Variants in TRAPPC9 observed in about 807,000 individuals in gnomAD.
The protein encoded by TRAPPC9 is trafficking protein particle complex subunit 9, also known as IKK2 binding protein.
In TRAPPC9, 83 loss-of-function variants were observed where a neutral mutation model predicts 124.0. The ratio of observed to expected loss-of-function variants is 0.67; its 90% confidence interval spans 0.56 to 0.80. The LOEUF (loss-of-function observed/expected upper bound fraction) is 0.80. TRAPPC9 is among the 30% of genes least tolerant of loss of function. The probability of loss-of-function intolerance (pLI) is 0.00; values close to 1 mark genes in which losing one functional copy is unlikely to be tolerated. For missense variants in TRAPPC9, 1,302 were observed against 1,508.3 expected, an observed-to-expected ratio of 0.86 and a Z score of 2.27; for synonymous variants, 638 against 617.5, an observed-to-expected ratio of 1.03 and a Z score of -0.49.
chr8:139,949,563 TA>T (rs1254361621), intron 19 of TRAPPC9, among the ~76,000 whole-genome samples: 2 of 152,108 alleles, frequency 1.3e-5, no homozygotes, highest in African/African-American at 4.8e-5. Context: ...CATTTAGCAG[TA>T]AAAAGGAAGG....
intron 17 of TRAPPC9, among the ~76,000 whole-genome samples, chr8:140,214,341 G>C (rs35444971): frequency 0.39 from 59,167 of 152,152 alleles, 14,426 homozygotes; most frequent in Non-Finnish European, 0.55. Flanking sequence ...CACAGCTGAT[G>C]TGGGCAAAGA....
chr8:140,352,290 CTTCTT>C (rs367939862), intron 9 of TRAPPC9, among the ~76,000 whole-genome samples: 3 of 152,302 alleles, frequency 2.0e-5, no homozygotes, highest in African/African-American at 7.2e-5. Context: ...CTCTCAAAAA[CTTCTT>C]TTATTTTAGT....
intron 17 of TRAPPC9, among the ~76,000 whole-genome samples, chr8:140,191,695 T>G (rs1341081577): frequency 6.6e-6 from 1 of 152,184 alleles, no homozygotes; most frequent in African/African-American, 2.4e-5. Flanking sequence ...ACCTCTTTTC[T>G]TTACAAACTA....
At chr8:139,853,589 AG>A (rs34000093) in intron 21 of TRAPPC9, among the ~76,000 whole-genome samples, 3 of 152,232 alleles carry the variant, frequency 2.0e-5, no homozygotes, top group Non-Finnish European at 4.4e-5. Flanking sequence ...ATGAACAAAC[AG>A]GGCTTCAGCC....
At chr8:139,807,125 G>T (rs1940729966) in intron 21 of TRAPPC9, among the ~76,000 whole-genome samples, 1 of 152,210 alleles carries the variant, frequency 6.6e-6, no homozygotes, top group African/African-American at 2.4e-5. Context: ...CCCAGGGAAG[G>T]GACAGAAAAC....
intron 21 of TRAPPC9, among the ~76,000 whole-genome samples, chr8:139,866,985 C>A (rs1828586337): frequency 6.6e-6 from 1 of 152,148 alleles, no homozygotes; most frequent in Non-Finnish European, 1.5e-5. Flanking sequence ...TAAGCACCCA[C>A]CACCACAGCT....
intron 21 of TRAPPC9, among the ~76,000 whole-genome samples, chr8:139,843,991 G>C (rs1826902740): frequency 6.6e-6 from 1 of 152,262 alleles, no homozygotes; most frequent in Non-Finnish European, 1.5e-5. Context: ...TTGGCAACCT[G>C]AGTGTGGCAT....
chr8:140,230,229 C>T (rs1258253177), intron 16 of TRAPPC9, among the ~76,000 whole-genome samples: 3 of 152,206 alleles, frequency 2.0e-5, no homozygotes, highest in Admixed American at 6.5e-5. Context: ...AGAAAACCAA[C>T]TACAAAGCAC....
chr8:140,080,077 CCTG>C (rs1843730445), intron 17 of TRAPPC9, among the ~76,000 whole-genome samples: 1 of 152,122 alleles, frequency 6.6e-6, no homozygotes, highest in South Asian at 2.1e-4. Context: ...TGGAATTAAC[CCTG>C]TTTCATCAAA....
chr8:140,258,227 G>A (rs961732781), intron 15 of TRAPPC9, among the ~76,000 whole-genome samples: 1 of 152,242 alleles, frequency 6.6e-6, no homozygotes, highest in Non-Finnish European at 1.5e-5. Flanking sequence ...GAGGGAGCAG[G>A]AGGGCTTGGG....
At chr8:140,341,631 A>G (rs62529437) in intron 9 of TRAPPC9, among the ~76,000 whole-genome samples, 25,418 of 152,068 alleles carry the variant, frequency 0.17, 2,310 homozygotes, top group South Asian at 0.28. Context: ...AGTCCTTTTC[A>G]GAGAACTCAT....
chr8:139,814,476 C>T (rs1447067218), intron 21 of TRAPPC9, among the ~76,000 whole-genome samples: 3 of 152,112 alleles, frequency 2.0e-5, no homozygotes, highest in African/African-American at 7.2e-5. Flanking sequence ...CCCGGGGCCC[C>T]TGAGGAGGAC....
intron 17 of TRAPPC9, among the ~76,000 whole-genome samples, chr8:140,176,362 C>G (rs1448171085): frequency 6.6e-6 from 1 of 152,170 alleles, no homozygotes; most frequent in East Asian, 1.9e-4. Flanking sequence ...TGACCTGCCT[C>G]CTGTTATGAC....
At chr8:139,890,982 C>A (rs1246385457) in intron 20 of TRAPPC9, among the ~76,000 whole-genome samples, 8 of 152,124 alleles carry the variant, frequency 5.3e-5, no homozygotes, top group African/African-American at 1.9e-4. Flanking sequence ...ATGGCTGAAG[C>A]GAATGGGTCT....
intron 20 of TRAPPC9, among the ~76,000 whole-genome samples, chr8:139,890,982 C>T (rs1246385457): frequency 2.6e-5 from 4 of 152,124 alleles, no homozygotes; most frequent in East Asian, 1.9e-4. Flanking sequence ...ATGGCTGAAG[C>T]GAATGGGTCT....
intron 17 of TRAPPC9, among the ~76,000 whole-genome samples, chr8:140,159,973 C>A (rs2061717541): frequency 6.6e-6 from 1 of 152,182 alleles, no homozygotes; most frequent in African/African-American, 2.4e-5. Flanking sequence ...ACAACCCCAT[C>A]CAAAAGTGGG....
intron 2 of TRAPPC9, among the ~76,000 whole-genome samples, chr8:140,447,594 T>G (rs945003546): frequency 6.6e-6 from 1 of 152,216 alleles, no homozygotes; most frequent in African/African-American, 2.4e-5. Flanking sequence ...TGGGTTTTCA[T>G]GAGGGGCACA....
rs559957969 is a variant in TRAPPC9 at position 139,734,035 on chromosome 8, C to T, written c.3056-1833G>A. 2.6e-5 allele frequency among the ~76,000 whole-genome samples: 4 copies of T among 152,362 alleles called. No individual in the cohort carries two copies. In the South Asian group the frequency reaches 8.3e-4, roughly 32 times the overall value. On this transcript the variant is annotated intron_variant, in intron 21 of 22. Transcript: ENST00000438773. The stretch of plus-strand genomic sequence containing the variant: ...CTAAGACCCCAAGCCACTCTTTCGA[C>T]CCCTGAAGAGGATGGGGGCAGAGGG...
At chr8:140,146,008 T>C (rs1424464809) in intron 17 of TRAPPC9, among the ~76,000 whole-genome samples, 1 of 152,240 alleles carries the variant, frequency 6.6e-6, no homozygotes, top group Non-Finnish European at 1.5e-5. Flanking sequence ...TTTCATACTT[T>C]CACCTAAACT....
Sources: gnomAD v4.1 joint callset for allele counts (sites outside exome capture counted in the v4.1 genomes callset) on GRCh38, gnomAD v4.1.1 for gene constraint, MANE v1.5 for transcripts, NCBI Gene and HGNC (gene_info 2026-07-23, HGNC 2026-07-21) for gene names.